CNBD2: variants seen among roughly 807,000 people sequenced by gnomAD.
CNBD2 encodes cyclic nucleotide binding domain containing 2.
A neutral mutation model predicts 63.7 loss-of-function variants in CNBD2; 64 were observed. The ratio of observed to expected loss-of-function variants is 1.00; its 90% CI spans 0.82 to 1.24. The LOEUF is 1.24. Ranked by LOEUF, CNBD2 falls within the 50% of genes most tolerant of loss-of-function variation. The pLI is 0.00. For synonymous variants in CNBD2, 229 were observed against 255.4 expected (o/e 0.90, Z 0.99); for missense variants, 691 against 713.5 (o/e 0.97, Z 0.36).
intron 7 of CNBD2, among the ~76,000 whole-genome samples, chr20:35,989,674 CA>C (rs2056716093): frequency 6.6e-6 from 1 of 152,090 alleles, no homozygotes; most frequent in African/African-American, 2.4e-5. Context: ...GTAATTATTA[CA>C]AATTAGATGC....
chr20:36,021,459 A>G (rs1252019006), intron 10 of CNBD2, among the ~76,000 whole-genome samples: 1 of 152,208 alleles, frequency 6.6e-6, no homozygotes, highest in African/African-American at 2.4e-5. Flanking sequence ...ATTTCCAGTG[A>G]ACTGTATGCT....
chr20:36,011,933 G>A (rs1428327090), intron 10 of CNBD2, among the ~76,000 whole-genome samples: 2 of 152,074 alleles, frequency 1.3e-5, no homozygotes, highest in South Asian at 2.1e-4. Context: ...TGAAGCGGGC[G>A]AATCACTTGA....
intron 2 of CNBD2, chr20:35,973,811 T>C (rs2056459461): frequency 6.6e-6 from 1 of 152,226 alleles, no homozygotes; most frequent in Admixed American, 6.5e-5. Flanking sequence ...TTGGTCACCC[T>C]TCTGCTAACT....
At chr20:36,022,692 G>A (rs574483422) in intron 10 of CNBD2, among the ~76,000 whole-genome samples, 86 of 151,444 alleles carry the variant, frequency 5.7e-4, no homozygotes, top group African/African-American at 1.8e-3. Flanking sequence ...GTGCAGTGGC[G>A]CGATCTTGGC....
At chr20:35,962,306 T>G (rs1181074070) in intron 2 of CNBD2, among the ~76,000 whole-genome samples, 1 of 148,348 alleles carries the variant, frequency 6.7e-6, no homozygotes, top group Non-Finnish European at 1.5e-5. Flanking sequence ...TCGCCCAGGC[T>G]GGAGTGCAGT....
In CNBD2 at chr20:35,984,153, A is replaced by G; in HGVS notation, c.564+15A>G. 6.3e-7 allele frequency: 1 copy of G among 1,582,646 alleles called. No individual in the cohort carries two copies. Among genetic ancestry groups the G allele is most frequent in the Non-Finnish European group, 8.6e-7 (1 of 1,164,404 alleles). Reference sequence around the variant, plus strand: ...GCTGTTTTGGGGTAAGCCCAGGGGAAGGACCCAGTTTCCTGGGGTGGAGTG... The same window carrying G: ...GCTGTTTTGGGGTAAGCCCAGGGGAGGGACCCAGTTTCCTGGGGTGGAGTG... On this transcript the variant is annotated intron_variant, in intron 5 of 11. Coordinates refer to ENST00000373973, the MANE Select transcript of CNBD2 (RefSeq NM_001365709.1).
At chr20:36,014,322 T>C (rs987344855) in intron 10 of CNBD2, among the ~76,000 whole-genome samples, 1 of 151,616 alleles carries the variant, frequency 6.6e-6, no homozygotes, top group South Asian at 2.1e-4. Context: ...TGGTTTCTTT[T>C]CTTTCTTTCT....
chr20:35,980,684 C>T (rs962118435), intron 4 of CNBD2, 62 bp downstream of exon 4: 4 of 1,535,204 alleles, frequency 2.6e-6, no homozygotes, highest in Non-Finnish European at 3.6e-6. Context: ...AAGAGCCTGG[C>T]TGAGAAGGTG....
At chr20:36,015,906 C>T (rs2057126420) in intron 10 of CNBD2, among the ~76,000 whole-genome samples, 1 of 152,166 alleles carries the variant, frequency 6.6e-6, no homozygotes, top group Non-Finnish European at 1.5e-5. Context: ...GTGGGCCATG[C>T]ATAGGACTTC....
chr20:35,986,537 C>T (rs566408539), intron 6 of CNBD2, among the ~76,000 whole-genome samples: 5 of 152,236 alleles, frequency 3.3e-5, no homozygotes, highest in South Asian at 4.2e-4. Context: ...GTGCTTGGTG[C>T]GTGGTAGGTA....
intron 2 of CNBD2, among the ~76,000 whole-genome samples, chr20:35,960,484 C>T (rs961761036): frequency 2.6e-5 from 4 of 152,188 alleles, no homozygotes; most frequent in Admixed American, 1.3e-4. Flanking sequence ...GGACCACAGG[C>T]GCGTACCGCC....
At chr20:35,997,419 A>G (rs918008783) in intron 8 of CNBD2, among the ~76,000 whole-genome samples, 10 of 152,236 alleles carry the variant, frequency 6.6e-5, no homozygotes, top group African/African-American at 2.4e-4. Flanking sequence ...CCCATTTATT[A>G]GCTGGGTAGC....
At chr20:36,024,565 T>G (rs6060761) in intron 11 of CNBD2, among the ~76,000 whole-genome samples, 52,649 of 148,644 alleles carry the variant, frequency 0.35, 13,364 homozygotes, top group African/African-American at 0.72. Context: ...GGAGGCAGAG[T>G]TTGAAGTGAG....
At chr20:36,000,725 AT>A (rs111889182) in intron 8 of CNBD2, among the ~76,000 whole-genome samples, 11,271 of 119,488 alleles carry the variant, frequency 0.094, 1,273 homozygotes, top group African/African-American at 0.29. Context: ...CGCCTGGCTA[AT>A]TTTTTTTTTT....
At chr20:35,991,362 T>C (rs1338464865) in intron 7 of CNBD2, among the ~76,000 whole-genome samples, 17 of 152,216 alleles carry the variant, frequency 1.1e-4, no homozygotes, top group Admixed American at 1.1e-3. Flanking sequence ...GTTGTTAAAC[T>C]TACCAGCACC....
intron 2 of CNBD2, among the ~76,000 whole-genome samples, chr20:35,975,144 G>T (rs1416631294): frequency 7.4e-6 from 1 of 135,392 alleles, no homozygotes; most frequent in African/African-American, 2.9e-5. Flanking sequence ...TGGGACTACA[G>T]GCGCCCGCTA....
At chr20:36,025,993 G>A (rs2057278294) in intron 11 of CNBD2, among the ~76,000 whole-genome samples, 1 of 152,086 alleles carries the variant, frequency 6.6e-6, no homozygotes, top group Non-Finnish European at 1.5e-5. Flanking sequence ...AGTGGATCTT[G>A]TACATCTCCC....
chr20:35,977,708 C>T (rs1246232801), intron 3 of CNBD2, among the ~76,000 whole-genome samples: 3 of 151,984 alleles, frequency 2.0e-5, no homozygotes, highest in Non-Finnish European at 2.9e-5. Flanking sequence ...AAAAAGCAAG[C>T]CCAGCCCTCT....
intron 6 of CNBD2, 125 bp downstream of exon 6, chr20:35,984,903 T>A: frequency 1.1e-6 from 1 of 926,164 alleles, no homozygotes; most frequent in South Asian, 1.5e-5. Context: ...TGCTCTGAAG[T>A]CCCACCTCGT....
Sources: gnomAD v4.1 joint callset for allele counts (sites outside exome capture counted in the v4.1 genomes callset) on GRCh38, gnomAD v4.1.1 for gene constraint, MANE v1.5 for transcripts, NCBI Gene and HGNC (gene_info 2026-07-23, HGNC 2026-07-21) for gene names.